Variants in NAV2 observed in about 807,000 individuals in gnomAD.
The protein encoded by NAV2 is helicase, APC down-regulated 1.
Under a neutral mutation model 223.2 loss-of-function variants are expected in NAV2, and 54 were observed. The observed-to-expected ratio is 0.24, with a 90% CI of 0.19 to 0.30. NAV2 has a LOEUF of 0.30. Among genes scored for constraint, NAV2 ranks in the 10% least tolerant of loss-of-function variants. NAV2 has a pLI of 1.00. For missense variants in NAV2, 2,806 were observed against 3,147.5 expected (o/e 0.89, Z 2.60); for synonymous variants, 1,279 against 1,239.3 (o/e 1.03, Z -0.67).
intron 4 of NAV2, among the ~76,000 whole-genome samples, chr11:19,872,715 C>T (rs901733543): frequency 3.3e-5 from 5 of 152,192 alleles, no homozygotes; most frequent in Admixed American, 1.3e-4. Flanking sequence ...CTCAGGCCTG[C>T]CCCGACCCGC....
At chr11:19,881,716 G>A (rs984956973) in intron 5 of NAV2, among the ~76,000 whole-genome samples, 1 of 152,168 alleles carries the variant, frequency 6.6e-6, no homozygotes, top group Non-Finnish European at 1.5e-5. Flanking sequence ...TCCTAGAGGA[G>A]GCAGGCAAAC....
chr11:19,696,815 A>T (rs539071725), intron 1 of NAV2, among the ~76,000 whole-genome samples: 8 of 152,310 alleles, frequency 5.3e-5, no homozygotes, highest in Admixed American at 3.3e-4. Context: ...TGGAGATGAT[A>T]GTTTGATTCA....
At chr11:19,619,661 T>C (rs1002976579) in intron 1 of NAV2, among the ~76,000 whole-genome samples, 3 of 152,190 alleles carry the variant, frequency 2.0e-5, no homozygotes, top group Admixed American at 6.5e-5. Context: ...TGGATATTAG[T>C]CCTTTGTCAG....
chr11:19,842,704 G>A (rs1210792855), intron 2 of NAV2, among the ~76,000 whole-genome samples, 167 bp from the exon 3 acceptor site: 2 of 152,174 alleles, frequency 1.3e-5, no homozygotes, highest in East Asian at 1.9e-4. Flanking sequence ...AGCTCGATGA[G>A]TAAGTCCTGA....
intron 8 of NAV2, among the ~76,000 whole-genome samples, chr11:19,945,101 TTC>T (rs1327752443): frequency 1.7e-5 from 2 of 120,736 alleles, no homozygotes; most frequent in Non-Finnish European, 3.7e-5. Flanking sequence ...TTCTCTTCTC[TTC>T]TTTCTTTTTT....
chr11:19,959,607 T>C (rs796090513), intron 10 of NAV2, among the ~76,000 whole-genome samples: 19 of 152,306 alleles, frequency 1.2e-4, no homozygotes, highest in African/African-American at 4.6e-4. Context: ...ATAATGAGGG[T>C]GTTTCCTAGA....
Position 19,933,191 on chromosome 11 carries a change from CA to C in NAV2, c.948del (p.Ala317ProfsTer7). On this transcript the variant is annotated frameshift_variant, in exon 7 of 38. Coordinates refer to ENST00000349880, the MANE Select transcript of NAV2 (RefSeq NM_145117.5). LOFTEE classifies it high-confidence loss of function. The surrounding 1 kb of genome is among the most constrained non-coding windows in gnomAD (Gnocchi z 4.3). Reference protein sequence around the residue: ...SSHEKEPLASSASSHPGMSDN... With the variant: ...SSHEKEPLASXASSHPGMSDN... ...GTCTCTGCAGAGCCTTTGGCAAGTTCAGCCTCCTCCCACCCCGGAATGAGTG... is the reference window on the plus strand; with the variant it reads ...GTCTCTGCAGAGCCTTTGGCAAGTTCGCCTCCTCCCACCCCGGAATGAGTG... The C allele has an allele frequency of 1.3e-6, 2 of 1,535,622 alleles. No homozygotes were observed. The highest frequency in any genetic ancestry group is 1.8e-6 in the Non-Finnish European group (2 of 1,139,536).
rs116069941 is a variant in NAV2, at chr11:20,032,912, G to A, written c.2769-3047G>A. 6.6e-3 allele frequency among the ~76,000 whole-genome samples: 1,004 copies of A among 152,320 alleles called. 13 individuals carry two copies. Among genetic ancestry groups the A allele is most frequent in the African/African-American group, 0.023 (940 of 41,566 alleles). ...GGCACGTGGTCCACCGAATGAACTT[G>A]ACATTGCTGCAGCATTGCCCCTCAG... On this transcript the variant is annotated intron_variant, in intron 11 of 37. Transcript: ENST00000349880.
chr11:19,645,894 T>G (rs758834991), intron 1 of NAV2, among the ~76,000 whole-genome samples: 11 of 152,260 alleles, frequency 7.2e-5, no homozygotes, highest in Admixed American at 1.3e-4. Context: ...AAGTGACTCT[T>G]CCAAAGTCAC....
At position 20,118,268 on chromosome 11, in the gene NAV2, G is replaced by A. The variant is rs201569868; in HGVS notation, c.*10G>A. ...GGAGTCCACTCTGTGACAGGGGCCCGGAGCCCAGCGCCCTCCTCTTCTCCT... is the reference window on the plus strand; with the variant it reads ...GGAGTCCACTCTGTGACAGGGGCCCAGAGCCCAGCGCCCTCCTCTTCTCCT... On this transcript the variant is annotated 3_prime_UTR_variant, in exon 38 of 38. Coordinates refer to ENST00000349880, the MANE Select transcript of NAV2 (RefSeq NM_145117.5). The A allele has an allele frequency of 1.8e-4, 292 of 1,613,096 alleles. No homozygotes were observed. Among genetic ancestry groups the A allele is most frequent in the Admixed American group, 2.8e-4 (17 of 59,962 alleles).
At chr11:19,478,875 CT>C (rs1476897429) in intron 1 of NAV2, among the ~76,000 whole-genome samples, 1 of 152,324 alleles carries the variant, frequency 6.6e-6, no homozygotes, top group South Asian at 2.1e-4. Context: ...GGCTTTCCCC[CT>C]AATGAGTTAA....
chr11:19,771,364 G>A (rs1039062293), intron 1 of NAV2, among the ~76,000 whole-genome samples: 1 of 152,148 alleles, frequency 6.6e-6, no homozygotes, highest in African/African-American at 2.4e-5. Context: ...GAAAGGATCC[G>A]AGAATTCACC....
chr11:19,793,937 C>T (rs1284105336), intron 1 of NAV2, among the ~76,000 whole-genome samples: 3 of 152,170 alleles, frequency 2.0e-5, no homozygotes, highest in Middle Eastern at 3.2e-3. Context: ...CCGCCGGGAC[C>T]CCCAACCACA....
rs761742021 is a variant in NAV2, at chr11:20,118,298, G to A, written c.*40G>A. Reference sequence around the variant, plus strand: ...CCAGCGCCCTCCTCTTCTCCTCACCGCATTCCACCTGCATCCCCCACATCA... The same window carrying A: ...CCAGCGCCCTCCTCTTCTCCTCACCACATTCCACCTGCATCCCCCACATCA... On this transcript the variant is annotated 3_prime_UTR_variant, in exon 38 of 38. Transcript: ENST00000349880. The A allele has an allele frequency of 1.6e-5, 25 of 1,605,642 alleles. No individual in the cohort carries two copies. The highest frequency in any genetic ancestry group is 1.7e-4 in the Middle Eastern group (1 of 6,032).
At chr11:19,453,084 A>G (rs929547068) in intron 1 of NAV2, among the ~76,000 whole-genome samples, 6 of 152,202 alleles carry the variant, frequency 3.9e-5, no homozygotes, top group African/African-American at 1.2e-4. Context: ...AACCCAGGCA[A>G]TCTGACTCCA....
chr11:19,478,992 G>A (rs922274899), intron 1 of NAV2, among the ~76,000 whole-genome samples: 13 of 152,124 alleles, frequency 8.5e-5, no homozygotes, highest in Admixed American at 7.2e-4. Context: ...CCCTGATGTC[G>A]GCGGTCTGGG....
intron 10 of NAV2, among the ~76,000 whole-genome samples, chr11:19,969,768 C>A (rs1451703582): frequency 6.6e-6 from 1 of 151,832 alleles, no homozygotes; most frequent in Non-Finnish European, 1.5e-5. Flanking sequence ...TGGTGAAACC[C>A]CATCTCTACT....
chr11:20,029,449 C>T (rs1256614814), intron 11 of NAV2, among the ~76,000 whole-genome samples: 2 of 152,212 alleles, frequency 1.3e-5, no homozygotes, highest in African/African-American at 4.8e-5. Context: ...TGGCTGGTGG[C>T]TTTAGGAGAT....
At chr11:20,090,789 G>C in intron 26 of NAV2, 76 bp from the exon 27 acceptor site, 1 of 1,491,230 alleles carries the variant, frequency 6.7e-7, no homozygotes, top group Non-Finnish European at 9.1e-7. Flanking sequence ...AAACAAACCT[G>C]ATGATTGATG....
Sources: allele counts gnomAD v4.1 joint callset (sites outside exome capture counted in the v4.1 genomes callset), GRCh38; gene constraint gnomAD v4.1.1; non-coding constraint Gnocchi (gnomAD v3.1); transcripts MANE v1.5; gene names NCBI Gene and HGNC (gene_info 2026-07-23, HGNC 2026-07-21).